Variants in TMEM44 observed in about 807,000 individuals in gnomAD.
TMEM44 encodes transmembrane protein 44.
TMEM44 carries 43 observed loss-of-function variants against 47.8 expected under a neutral mutation model. The observed-to-expected ratio is 0.90, with a 90% confidence interval of 0.70 to 1.16. TMEM44 has a LOEUF of 1.16. Among genes scored for constraint, TMEM44 ranks in the 50% most tolerant of loss-of-function variants. TMEM44 has a pLI of 0.00. For missense variants in TMEM44, 568 were observed against 555.2 expected (o/e 1.02, Z -0.23); for synonymous variants, 277 against 238.8 (o/e 1.16, Z -1.48).
At chr3:194,608,837 G>A (rs780286075) in intron 8 of TMEM44, among the ~76,000 whole-genome samples, 1 of 152,194 alleles carries the variant, frequency 6.6e-6, no homozygotes, top group Non-Finnish European at 1.5e-5. Context: ...GCCACCAAGA[G>A]CTCTGGCCCA....
intron 5 of TMEM44, among the ~76,000 whole-genome samples, chr3:194,619,702 A>T (rs1716314031): frequency 6.6e-6 from 1 of 152,212 alleles, no homozygotes; most frequent in Admixed American, 6.5e-5. Context: ...CTGGCTTCCC[A>T]GAACACCCCA....
chr3:194,623,793 T>C lies in TMEM44; in HGVS notation c.359-98A>G, dbSNP rs989377841. ...GAACTGGTGTCAGCTCCCCACATGATGCTGAAGCGGGTTCCCACATTATTC... is the reference window on the plus strand; with the variant it reads ...GAACTGGTGTCAGCTCCCCACATGACGCTGAAGCGGGTTCCCACATTATTC... On this transcript the variant is annotated intron_variant, in intron 3 of 9. Coordinates refer to ENST00000347147, the MANE Select transcript of TMEM44 (RefSeq NM_001011655.3). 2.7e-6 allele frequency: 4 copies of C among 1,509,020 alleles called. No individual in the cohort carries two copies. The African/African-American group carries it at 4.1e-5, about 16-fold the overall frequency. 93.5% of individuals were successfully genotyped at this position (1,509,020 alleles called of 1,614,324 possible). A position where few individuals can be genotyped will look rare whatever the true frequency, so the allele number is the denominator to read the frequency against.
intron 6 of TMEM44, chr3:194,616,680 A>C (rs934340705): frequency 3.5e-5 from 15 of 432,028 alleles, no homozygotes; most frequent in Middle Eastern, 3.6e-4. Flanking sequence ...AACACGCCAC[A>C]GCCATTAACC....
intron 5 of TMEM44, chr3:194,617,668 C>T (rs771789792): frequency 2.4e-5 from 17 of 703,888 alleles, no homozygotes; most frequent in South Asian, 1.0e-4. Context: ...CGCTGGGCAG[C>T]GGCTCGCCAA....
intron 9 of TMEM44, chr3:194,596,996 C>G (rs190812749): frequency 2.0e-5 from 3 of 151,950 alleles, no homozygotes; most frequent in Non-Finnish European, 4.4e-5. Context: ...TAGGAACACA[C>G]GGGCCTGGGA....
At chr3:194,628,538 C>G in intron 1 of TMEM44, 29 bp from the exon 2 acceptor site, 1 of 1,579,192 alleles carries the variant, frequency 6.3e-7, no homozygotes. Context: ...GGACAGAACA[C>G]AGCAACTGTG....
intron 9 of TMEM44, among the ~76,000 whole-genome samples, chr3:194,591,850 GC>G (rs1712769513): frequency 6.6e-6 from 1 of 151,858 alleles, no homozygotes; most frequent in Non-Finnish European, 1.5e-5. Flanking sequence ...CAGGTGATCC[GC>G]CCCCCTCAGC....
chr3:194,615,281 C>T (rs1715755189), intron 7 of TMEM44, among the ~76,000 whole-genome samples: 1 of 152,012 alleles, frequency 6.6e-6, no homozygotes, highest in Non-Finnish European at 1.5e-5. Context: ...AATAAAGCGA[C>T]CAACTGGGCA....
chr3:194,631,191 G>C (rs1334905585), intron 1 of TMEM44, among the ~76,000 whole-genome samples: 1 of 151,152 alleles, frequency 6.6e-6, no homozygotes, highest in African/African-American at 2.4e-5. Flanking sequence ...GTCACTGATA[G>C]GGCCTCTGAA....
rs145385554 is a variant in TMEM44 at position 194,600,699 on chromosome 3, C to T, written c.1176+3588G>A. On this transcript the variant is annotated intron_variant, in intron 9 of 9. Coordinates refer to ENST00000347147, the MANE Select transcript of TMEM44 (RefSeq NM_001011655.3). ...CTGGGAGGCGGAGATTGCAGTGAGC[C>T]GAGACTGCGCCACGGCACTCCAGCC... Among the ~76,000 whole-genome samples the T allele has an allele frequency of 2.5e-3, 374 of 151,996 alleles. 2 individuals carry two copies. The highest frequency in any genetic ancestry group is 8.8e-3 in the African/African-American group (363 of 41,458).
At chr3:194,601,210 C>T (rs149800906) in intron 9 of TMEM44, among the ~76,000 whole-genome samples, 1 of 149,748 alleles carries the variant, frequency 6.7e-6, no homozygotes, top group African/African-American at 2.5e-5. Flanking sequence ...GTGGCGTGAT[C>T]TCGGCTCACT....
chr3:194,615,275 A>C (rs2109191082), intron 7 of TMEM44, among the ~76,000 whole-genome samples: 1 of 152,086 alleles, frequency 6.6e-6, no homozygotes, highest in South Asian at 2.1e-4. Context: ...AATAAAAATA[A>C]AGCGACCAAC....
rs867585432 is a variant in TMEM44 at position 194,623,241 on chromosome 3, G to A, written c.595C>T (p.Pro199Ser). The A allele has an allele frequency of 1.2e-6, 2 of 1,610,850 alleles. No individual in the cohort carries two copies. Among genetic ancestry groups the A allele is most frequent in the Non-Finnish European group, 1.7e-6 (2 of 1,178,712 alleles). The change falls in exon 5 of 10, where the codon CCC becomes TCC. Residue 199 changes from proline to serine, a missense_variant. Pro to Ser is a moderately conservative substitution (Grantham distance 74). Transcript: ENST00000347147. ...GGCCTCACAATTCTGGAGAGAGGGG[G>A]GATCCGAGAAGCCCAGGAGCCAAAG... ...AAFGSWASRI[P>S]PLSRICRGKT...
intron 2 of TMEM44, among the ~76,000 whole-genome samples, chr3:194,627,144 GC>G (rs1717273005): frequency 6.6e-6 from 1 of 152,186 alleles, no homozygotes; most frequent in African/African-American, 2.4e-5. Flanking sequence ...CAATCTGCCC[GC>G]CTTAGCCTCC....
chr3:194,626,080 G>T (rs1717148093), intron 2 of TMEM44, 90 bp from the exon 3 acceptor site: 2 of 955,086 alleles, frequency 2.1e-6, no homozygotes, highest in South Asian at 2.7e-5. Context: ...TATCACATGG[G>T]TTACACTGAT....
chr3:194,617,051 G>C, intron 6 of TMEM44, 48 bp downstream of exon 6: 1 of 1,443,218 alleles, frequency 6.9e-7, no homozygotes, highest in South Asian at 1.5e-5. Flanking sequence ...CGAGACACAG[G>C]CCTCCTCTGG....
chr3:194,626,555 C>CCTTA (rs1717199391), intron 2 of TMEM44, among the ~76,000 whole-genome samples: 1 of 152,086 alleles, frequency 6.6e-6, no homozygotes, highest in Non-Finnish European at 1.5e-5. Context: ...GATGGGTGAC[C>CCTTA]CTTAACCTCT....
chr3:194,611,089 G>A lies in TMEM44; in HGVS notation c.913-69C>T. The A allele has an allele frequency of 3.7e-6, 5 of 1,344,586 alleles. No individual in the cohort carries two copies. Among genetic ancestry groups the A allele is most frequent in the Non-Finnish European group, 5.3e-6 (5 of 945,408 alleles). 83.3% of individuals were successfully genotyped at this position (1,344,586 alleles called of 1,614,324 possible). A position where few individuals can be genotyped will look rare whatever the true frequency, so the allele number is the denominator to read the frequency against. ...TCAGGAGGCATTTTCTAAAAACAAG[G>A]TCACATTTTATTCAAAAGGACCCCC... On this transcript the variant is annotated intron_variant, in intron 7 of 9. Transcript: ENST00000347147. This position sits in a 1 kb window ranked among gnomAD's most constrained non-coding sequence, Gnocchi z 4.2.
intron 3 of TMEM44, 91 bp downstream of exon 3, chr3:194,625,806 G>A: frequency 5.1e-6 from 6 of 1,183,352 alleles, no homozygotes; most frequent in Non-Finnish European, 7.5e-6. Flanking sequence ...GCCTGGCTGG[G>A]GCCCGCTCTG....
Sources: allele counts gnomAD v4.1 joint callset (sites outside exome capture counted in the v4.1 genomes callset), GRCh38; gene constraint gnomAD v4.1.1; non-coding constraint Gnocchi (gnomAD v3.1); transcripts MANE v1.5; gene names NCBI Gene and HGNC (gene_info 2026-07-23, HGNC 2026-07-21).